The following KCND2 variants were observed in gnomAD, a reference collection of about 807,000 sequenced individuals.
The protein encoded by KCND2 is potassium voltage-gated channel subfamily D member 2.
KCND2 carries 16 observed loss-of-function variants against 54.4 expected under a neutral mutation model. The observed-to-expected ratio is 0.29, with a 90% CI of 0.20 to 0.45. The LOEUF (loss-of-function observed/expected upper bound fraction) is 0.45. KCND2 is among the 20% of genes least tolerant of loss of function. The pLI is 1.00. For synonymous variants in KCND2, 317 were observed against 310.7 expected, an observed-to-expected ratio of 1.02 and a Z score of -0.21; for missense variants, 486 against 824.2, an observed-to-expected ratio of 0.59 and a Z score of 5.02.
chr7:120,734,071 C>T (rs1390161562), intron 2 of KCND2, among the ~76,000 whole-genome samples: 1 of 152,072 alleles, frequency 6.6e-6, no homozygotes, highest in Non-Finnish European at 1.5e-5. Flanking sequence ...AACTCCAGCA[C>T]AGCCGCATGG....
At position 120,334,198 on chromosome 7, in the gene KCND2, A is replaced by G. The variant is rs532061829; in HGVS notation, c.1115+58451A>G. On this transcript the variant is annotated intron_variant, in intron 1 of 5. Transcript: ENST00000331113. The stretch of plus-strand genomic sequence containing the variant: ...AAATGAACATTAAGAGGAGTAAAAT[A>G]GTTATGGCTGTTTAGCCTAAATAGA... 2.0e-5 allele frequency among the ~76,000 whole-genome samples: 3 copies of G among 152,306 alleles called. No homozygotes were observed. The East Asian group carries it at 5.8e-4, about 29-fold the overall frequency.
At chr7:120,409,681 T>A (rs1801419637) in intron 1 of KCND2, among the ~76,000 whole-genome samples, 1 of 151,394 alleles carries the variant, frequency 6.6e-6, no homozygotes, top group African/African-American at 2.4e-5. Flanking sequence ...TGGCCATACT[T>A]TTTTTTTGGT....
At chr7:120,539,177 A>G (rs1189231954) in intron 1 of KCND2, among the ~76,000 whole-genome samples, 1 of 152,178 alleles carries the variant, frequency 6.6e-6, no homozygotes, top group Non-Finnish European at 1.5e-5. Context: ...GAAAATTGAT[A>G]GATAGATATT....
intron 1 of KCND2, among the ~76,000 whole-genome samples, chr7:120,572,510 A>G (rs559637402): frequency 6.6e-6 from 1 of 151,754 alleles, no homozygotes; most frequent in African/African-American, 2.4e-5. Context: ...AGTTTGAGAA[A>G]GTGTGAACAT....
intron 1 of KCND2, among the ~76,000 whole-genome samples, chr7:120,649,941 GC>G (rs1250536173): frequency 6.6e-6 from 1 of 152,042 alleles, no homozygotes; most frequent in Non-Finnish European, 1.5e-5. Context: ...TTGAATATTG[GC>G]CCCCACTCTC....
intron 1 of KCND2, among the ~76,000 whole-genome samples, chr7:120,704,087 G>T (rs1792435886): frequency 6.6e-6 from 1 of 152,136 alleles, no homozygotes; most frequent in African/African-American, 2.4e-5. Context: ...ACATAATAAT[G>T]ACTATTGGCC....
intron 1 of KCND2, among the ~76,000 whole-genome samples, chr7:120,356,493 G>T (rs770859744): frequency 3.9e-5 from 6 of 152,094 alleles, no homozygotes; most frequent in African/African-American, 1.2e-4. Context: ...TATCATGTTA[G>T]GTGAGAAATG....
intron 1 of KCND2, among the ~76,000 whole-genome samples, chr7:120,475,726 T>C (rs1049627275): frequency 6.6e-6 from 1 of 152,206 alleles, no homozygotes; most frequent in Non-Finnish European, 1.5e-5. Context: ...TCATGTAGCA[T>C]TATAGTAAGC....
At chr7:120,485,667 C>A (rs1229571592) in intron 1 of KCND2, among the ~76,000 whole-genome samples, 1 of 152,152 alleles carries the variant, frequency 6.6e-6, no homozygotes, top group African/African-American at 2.4e-5. Flanking sequence ...TTTTAAAATT[C>A]AGAACAATTA....
intron 1 of KCND2, among the ~76,000 whole-genome samples, chr7:120,394,669 A>C (rs1801127316): frequency 6.6e-6 from 1 of 151,976 alleles, no homozygotes; most frequent in Admixed American, 6.6e-5. Flanking sequence ...CTAAACAATA[A>C]ACTAAATTTC....
At chr7:120,680,963 A>G (rs1792131264) in intron 1 of KCND2, among the ~76,000 whole-genome samples, 1 of 152,150 alleles carries the variant, frequency 6.6e-6, no homozygotes, top group Non-Finnish European at 1.5e-5. Flanking sequence ...TGCTAACATA[A>G]TACTTACATG....
At chr7:120,461,966 T>C (rs1208465707) in intron 1 of KCND2, among the ~76,000 whole-genome samples, 1 of 152,146 alleles carries the variant, frequency 6.6e-6, no homozygotes, top group African/African-American at 2.4e-5. Context: ...TTCATCAATA[T>C]ACATGGAGAT....
chr7:120,318,734 C>T (rs1204505025), intron 1 of KCND2, among the ~76,000 whole-genome samples: 4 of 151,882 alleles, frequency 2.6e-5, no homozygotes, highest in African/African-American at 7.2e-5. Flanking sequence ...ATACCAGGAA[C>T]GAAATACTTT....
intron 1 of KCND2, among the ~76,000 whole-genome samples, chr7:120,398,663 T>C (rs987634823): frequency 1.3e-5 from 2 of 152,134 alleles, no homozygotes; most frequent in African/African-American, 4.8e-5. Context: ...TTGTTTTGTT[T>C]TTAATGAAAT....
At chr7:120,276,207 CCT>C (rs1053831605) in intron 1 of KCND2, among the ~76,000 whole-genome samples, 5 of 152,040 alleles carry the variant, frequency 3.3e-5, no homozygotes, top group Non-Finnish European at 2.9e-5. Context: ...GTACATTTTT[CCT>C]CTAAGAACCA....
intron 1 of KCND2, among the ~76,000 whole-genome samples, chr7:120,447,857 T>C (rs1242813404): frequency 2.0e-5 from 3 of 152,178 alleles, no homozygotes; most frequent in South Asian, 2.1e-4. Context: ...TGTTTTTCTA[T>C]ATATGCTTTA....
intron 1 of KCND2, among the ~76,000 whole-genome samples, chr7:120,316,926 C>G (rs1799820792): frequency 6.6e-6 from 1 of 151,896 alleles, no homozygotes; most frequent in African/African-American, 2.4e-5. Context: ...ACCTCTGCCT[C>G]CCGGGTTCAA....
chr7:120,283,080 C>T (rs1338784316), intron 1 of KCND2, among the ~76,000 whole-genome samples: 3 of 152,042 alleles, frequency 2.0e-5, no homozygotes, highest in African/African-American at 7.2e-5. Context: ...GGCATTTAAG[C>T]CAATGGCTGA....
intron 1 of KCND2, among the ~76,000 whole-genome samples, chr7:120,461,623 A>T (rs1467801966): frequency 6.6e-6 from 1 of 152,018 alleles, no homozygotes; most frequent in East Asian, 1.9e-4. Context: ...ATTGACAGAG[A>T]CTTCTACTAA....
Sources: allele counts gnomAD v4.1 joint callset (sites outside exome capture counted in the v4.1 genomes callset), GRCh38; gene constraint gnomAD v4.1.1; transcripts MANE v1.5; gene names NCBI Gene and HGNC (gene_info 2026-07-23, HGNC 2026-07-21).